Variants in CHRM2 observed in about 807,000 individuals in gnomAD.
The protein encoded by CHRM2 is muscarinic acetylcholine receptor M2.
CHRM2 carries 8 observed loss-of-function variants against 25.0 expected under a neutral mutation model. The observed-to-expected ratio is 0.32, with a 90% confidence interval of 0.19 to 0.58. The LOEUF (loss-of-function observed/expected upper bound fraction) is 0.58, where lower values mean the gene tolerates loss of function less well. CHRM2 is among the 20% of genes least tolerant of loss of function. CHRM2 has a pLI of 0.88. For missense variants in CHRM2, 440 were observed against 567.1 expected (o/e 0.78, Z 2.28); for synonymous variants, 202 against 205.7 (o/e 0.98, Z 0.15).
intron 2 of CHRM2, among the ~76,000 whole-genome samples, chr7:136,882,606 T>C (rs1487513323): frequency 6.6e-6 from 1 of 152,134 alleles, no homozygotes; most frequent in Non-Finnish European, 1.5e-5. Context: ...TTCATAATAC[T>C]GAGTTATTCC....
intron 2 of CHRM2, among the ~76,000 whole-genome samples, chr7:136,942,636 C>CAT (rs1799838306): frequency 6.6e-6 from 1 of 152,168 alleles, no homozygotes; most frequent in Non-Finnish European, 1.5e-5. Flanking sequence ...CACATCACTC[C>CAT]TTGACAGAGG....
intron 2 of CHRM2, among the ~76,000 whole-genome samples, chr7:136,894,739 T>C (rs1026507077): frequency 6.6e-5 from 10 of 152,184 alleles, no homozygotes; most frequent in African/African-American, 2.2e-4. Flanking sequence ...TTCTTAATGG[T>C]TTTTAAAAAT....
intron 2 of CHRM2, among the ~76,000 whole-genome samples, chr7:136,986,401 A>G (rs149370440): frequency 1.6e-3 from 249 of 152,256 alleles, no homozygotes; most frequent in African/African-American, 5.7e-3. Flanking sequence ...GCCCAATCTC[A>G]TTAACAATAT....
chr7:136,978,576 T>C (rs1323689435), intron 2 of CHRM2, among the ~76,000 whole-genome samples: 1 of 152,166 alleles, frequency 6.6e-6, no homozygotes, highest in Non-Finnish European at 1.5e-5. Flanking sequence ...ACATGAAGTA[T>C]TTCTCCTAAT....
chr7:136,963,549 T>C (rs1801227074), intron 2 of CHRM2, among the ~76,000 whole-genome samples: 1 of 152,166 alleles, frequency 6.6e-6, no homozygotes, highest in Non-Finnish European at 1.5e-5. Context: ...GGATGAAAAC[T>C]GAAGGAAGAA....
At chr7:136,985,504 C>CA (rs974105875) in intron 2 of CHRM2, among the ~76,000 whole-genome samples, 13,889 of 59,108 alleles carry the variant, frequency 0.23, 994 homozygotes, top group African/African-American at 0.29. Flanking sequence ...AGTTAGACTC[C>CA]AAAAAAAAAA....
At chr7:136,886,797 C>T (rs567380031) in intron 2 of CHRM2, among the ~76,000 whole-genome samples, 60 of 152,132 alleles carry the variant, frequency 3.9e-4, no homozygotes, top group Middle Eastern at 3.4e-3. Flanking sequence ...TTTGAGCCCC[C>T]AGCAGGTCGA....
chr7:136,928,424 T>C (rs774661537), intron 2 of CHRM2, among the ~76,000 whole-genome samples: 2 of 152,226 alleles, frequency 1.3e-5, no homozygotes, highest in African/African-American at 2.4e-5. Flanking sequence ...GATTATTTTC[T>C]GAATGTTAAG....
intron 3 of CHRM2, among the ~76,000 whole-genome samples, chr7:137,004,052 A>G (rs914990653): frequency 5.9e-5 from 9 of 152,058 alleles, no homozygotes; most frequent in Non-Finnish European, 1.2e-4. Flanking sequence ...GGTCTTGGGT[A>G]TTTCTTCATA....
At chr7:136,912,674 C>T (rs950237704) in intron 2 of CHRM2, among the ~76,000 whole-genome samples, 3 of 151,790 alleles carry the variant, frequency 2.0e-5, no homozygotes, top group African/African-American at 7.3e-5. Flanking sequence ...ACCTTACCAC[C>T]TAAAGTGCTA....
chr7:137,005,072 G>C (rs1804330692), intron 3 of CHRM2, among the ~76,000 whole-genome samples: 1 of 152,026 alleles, frequency 6.6e-6, no homozygotes, highest in Admixed American at 6.6e-5. Flanking sequence ...TGAAAAGCTA[G>C]AAGAACCAAG....
At chr7:136,926,639 C>T (rs1020851848) in intron 2 of CHRM2, among the ~76,000 whole-genome samples, 1 of 152,128 alleles carries the variant, frequency 6.6e-6, no homozygotes, top group Admixed American at 6.6e-5. Context: ...TAGCATGAAA[C>T]ATTGCAAAGG....
chr7:136,977,708 C>G lies in CHRM2; in HGVS notation c.-124-14479C>G, dbSNP rs561982706. ...TTTCAGGGAGAATAAATGGCATGCACAAATGCAAGGAGGTAAAAGAATCAT... is the reference window on the plus strand; with the variant it reads ...TTTCAGGGAGAATAAATGGCATGCAGAAATGCAAGGAGGTAAAAGAATCAT... On this transcript the variant is annotated intron_variant, in intron 2 of 3. Coordinates refer to ENST00000680005, the MANE Select transcript of CHRM2 (RefSeq NM_001006630.2). 2.2e-4 allele frequency among the ~76,000 whole-genome samples: 33 copies of G among 152,208 alleles called. No individual in the cohort carries two copies. In the South Asian group the frequency reaches 6.8e-3, roughly 32 times the overall value.
chr7:136,878,444 G>A (rs1464098591), intron 2 of CHRM2, among the ~76,000 whole-genome samples: 1 of 151,794 alleles, frequency 6.6e-6, no homozygotes, highest in Non-Finnish European at 1.5e-5. Flanking sequence ...TCTGGCAACT[G>A]GGTATCATTC....
chr7:136,871,040 C>G (rs1034152992), intron 2 of CHRM2: 1 of 153,164 alleles, frequency 6.5e-6, no homozygotes, highest in Non-Finnish European at 1.5e-5. Flanking sequence ...CGACCAGTCC[C>G]CACGCTGTGC....
rs1805326335 is a variant in CHRM2 at position 137,019,350 on chromosome 7, T to A, written c.*3084T>A. The A allele has an allele frequency of 6.6e-6, 1 of 151,860 alleles. No individual in the cohort carries two copies. Among genetic ancestry groups the A allele is most frequent in the Non-Finnish European group, 1.5e-5 (1 of 67,880 alleles). The allele number at this position is 151,860 out of a possible 1,614,324, so 9.4% of individuals were successfully genotyped here. ...ATCAAAAATCACCAGACTATGCATA[T>A]CGCACATCTTTTTTCCAGCATCTTA... On this transcript the variant is annotated 3_prime_UTR_variant, in exon 4 of 4. Coordinates refer to ENST00000680005, the MANE Select transcript of CHRM2 (RefSeq NM_001006630.2).
Position 136,995,925 on chromosome 7 carries a change from A to G in CHRM2, c.-47+3661A>G, listed in dbSNP as rs532724153. 5.3e-5 allele frequency among the ~76,000 whole-genome samples: 8 copies of G among 151,976 alleles called. No homozygotes were observed. The East Asian group carries it at 1.5e-3, about 29-fold the overall frequency. On this transcript the variant is annotated intron_variant, in intron 3 of 3. Transcript: ENST00000680005. ...GTACTTAAAATTAGAGCTTTTTAAT[A>G]TAATATAAAATTTACAATAAAAAAT...
chr7:137,003,496 A>G (rs879768508), intron 3 of CHRM2, among the ~76,000 whole-genome samples: 30 of 48,188 alleles, frequency 6.2e-4, no homozygotes, highest in African/African-American at 2.4e-3. Context: ...ACACACACAC[A>G]CACACACACA....
intron 2 of CHRM2, among the ~76,000 whole-genome samples, chr7:136,935,980 C>A (rs1459110294): frequency 6.6e-6 from 1 of 152,102 alleles, no homozygotes; most frequent in African/African-American, 2.4e-5. Flanking sequence ...AATGATATAA[C>A]CCTTCCTCTA....
Sources: gnomAD v4.1 joint callset for allele counts (sites outside exome capture counted in the v4.1 genomes callset) on GRCh38, gnomAD v4.1.1 for gene constraint, MANE v1.5 for transcripts, NCBI Gene and HGNC (gene_info 2026-07-23, HGNC 2026-07-21) for gene names.